PDCD10: variants seen among roughly 807,000 people sequenced by gnomAD.
PDCD10 encodes the protein programmed cell death protein 10.
PDCD10 carries 4 observed loss-of-function variants against 29.2 expected under a neutral mutation model. The observed-to-expected ratio is 0.14, with a 90% CI of 0.07 to 0.31. The LOEUF is 0.31. PDCD10 is among the 10% of genes least tolerant of loss of function. The pLI is 1.00. For synonymous variants in PDCD10, 70 were observed against 82.2 expected (o/e 0.85, Z 0.80); for missense variants, 183 against 257.9 (o/e 0.71, Z 1.99).
At chr3:167,695,520 A>C in intron 6 of PDCD10, 76 bp downstream of exon 6, 1 of 1,366,568 alleles carries the variant, frequency 7.3e-7, no homozygotes, top group African/African-American at 1.4e-5. Flanking sequence ...AGTCATACCA[A>C]AATTAAAAAA....
At chr3:167,726,504 A>G (rs1724196084) in intron 2 of PDCD10, among the ~76,000 whole-genome samples, 1 of 152,164 alleles carries the variant, frequency 6.6e-6, no homozygotes, top group Non-Finnish European at 1.5e-5. Flanking sequence ...GTTTGGAAGG[A>G]AAAAAACCTC....
intron 3 of PDCD10, among the ~76,000 whole-genome samples, chr3:167,712,296 G>C (rs1193993823): frequency 2.0e-5 from 3 of 151,938 alleles, no homozygotes; most frequent in Non-Finnish European, 4.4e-5. Context: ...TTTTCTTTTT[G>C]CTTGTTTATT....
At chr3:167,733,334 A>G (rs1375699798) in intron 2 of PDCD10, among the ~76,000 whole-genome samples, 2 of 152,238 alleles carry the variant, frequency 1.3e-5, no homozygotes, top group African/African-American at 4.8e-5. Context: ...ATCCAATAAT[A>G]ATAGTCATGA....
chr3:167,725,462 T>A (rs1168571507), intron 2 of PDCD10: 1 of 151,700 alleles, frequency 6.6e-6, no homozygotes, highest in East Asian at 1.9e-4. Context: ...GACCAAGATT[T>A]AGAGGAGAAA....
At chr3:167,686,676 A>G (rs1031853256) in intron 8 of PDCD10, among the ~76,000 whole-genome samples, 1 of 152,210 alleles carries the variant, frequency 6.6e-6, no homozygotes, top group Non-Finnish European at 1.5e-5. Flanking sequence ...AAATTCTAGA[A>G]GTGGGACCCT....
In PDCD10 at chr3:167,685,445, G is replaced by C. The variant is rs1346376655; in HGVS notation, c.558-1056C>G. ...AGAGAAGGGCCAGGAAGAAATAGCT[G>C]AATCAATGCAAATCCATCCCCCTAC... On this transcript the variant is annotated intron_variant, in intron 8 of 8. Transcript: ENST00000392750. Among the ~76,000 whole-genome samples, 6 of 144,196 alleles carry C rather than the reference G, an allele frequency of 4.2e-5. No individual in the cohort carries two copies. In the South Asian group the frequency reaches 1.1e-3, roughly 27 times the overall value. The allele number at this position is 144,196 out of a possible 152,430, so 94.6% of individuals were successfully genotyped here.
chr3:167,685,629 G>C (rs1023597930), intron 8 of PDCD10, among the ~76,000 whole-genome samples: 1 of 152,116 alleles, frequency 6.6e-6, no homozygotes, highest in African/African-American at 2.4e-5. Context: ...CATATGCAGA[G>C]TAAATAATTT....
chr3:167,700,843 G>GA (rs369127617), intron 4 of PDCD10, among the ~76,000 whole-genome samples: 121 of 152,224 alleles, frequency 7.9e-4, no homozygotes, highest in Middle Eastern at 3.4e-3. Context: ...ACACCATTAA[G>GA]AAAATCTTTG....
At chr3:167,714,279 C>T (rs1183154603) in intron 3 of PDCD10, among the ~76,000 whole-genome samples, 1 of 152,068 alleles carries the variant, frequency 6.6e-6, no homozygotes, top group African/African-American at 2.4e-5. Flanking sequence ...GAATGAAGGA[C>T]AAACATCATA....
At chr3:167,729,912 C>T (rs1724621943) in intron 2 of PDCD10, among the ~76,000 whole-genome samples, 1 of 152,074 alleles carries the variant, frequency 6.6e-6, no homozygotes, top group Admixed American at 6.6e-5. Flanking sequence ...TTTTCTTTTT[C>T]TTTTAACCCT....
intron 6 of PDCD10, chr3:167,694,286 T>C: frequency 5.4e-6 from 1 of 184,474 alleles, no homozygotes. Context: ...GATAAAAATA[T>C]TCTCCTGGAT....
chr3:167,733,619 T>C (rs942515120), intron 2 of PDCD10, among the ~76,000 whole-genome samples: 4 of 152,214 alleles, frequency 2.6e-5, no homozygotes, highest in Non-Finnish European at 4.4e-5. Flanking sequence ...GCAAAATACC[T>C]TCTTTTCTAG....
intron 6 of PDCD10, among the ~76,000 whole-genome samples, chr3:167,690,625 C>T (rs933686628): frequency 8.5e-5 from 13 of 152,270 alleles, no homozygotes; most frequent in African/African-American, 3.1e-4. Flanking sequence ...TGTACTCAGG[C>T]ACACACATTC....
At chr3:167,734,636 C>CACTCGCGTAGGGTAACCTCGCTT (rs1216900253) in intron 1 of PDCD10, 26 bp downstream of exon 1, 2 of 152,702 alleles carry the variant, frequency 1.3e-5, no homozygotes, top group African/African-American at 4.8e-5. Context: ...CGCTTTACGC[C>CACTCGCGTAGGGTAACCTCGCTT]ACTCGCGTAG....
chr3:167,723,729 A>G (rs1336640122), intron 2 of PDCD10, among the ~76,000 whole-genome samples: 1 of 152,204 alleles, frequency 6.6e-6, no homozygotes, highest in East Asian at 1.9e-4. Flanking sequence ...TACTGTTGGC[A>G]TCCACAAAAT....
intron 6 of PDCD10, among the ~76,000 whole-genome samples, chr3:167,690,098 C>T (rs569028406): frequency 7.9e-5 from 12 of 152,194 alleles, no homozygotes; most frequent in South Asian, 4.1e-4. Flanking sequence ...CTAATGAATG[C>T]GGCTTGGTGC....
At chr3:167,713,430 A>G (rs1465112661) in intron 3 of PDCD10, among the ~76,000 whole-genome samples, 2 of 152,042 alleles carry the variant, frequency 1.3e-5, no homozygotes, top group East Asian at 3.8e-4. Flanking sequence ...ATACAGTGAA[A>G]GCAGTACTAA....
intron 2 of PDCD10, among the ~76,000 whole-genome samples, chr3:167,727,743 T>A (rs778710015): frequency 2.6e-5 from 4 of 152,182 alleles, no homozygotes; most frequent in Non-Finnish European, 5.9e-5. Context: ...TTGCTTTGTA[T>A]CACTTATAAT....
chr3:167,731,618 A>G (rs556037804), intron 2 of PDCD10, among the ~76,000 whole-genome samples: 1 of 152,358 alleles, frequency 6.6e-6, no homozygotes, highest in African/African-American at 2.4e-5. Flanking sequence ...TTCAGCAAAT[A>G]TTTACTGAAC....
Sources: gnomAD v4.1 joint callset for allele counts (sites outside exome capture counted in the v4.1 genomes callset) on GRCh38, gnomAD v4.1.1 for gene constraint, MANE v1.5 for transcripts, NCBI Gene and HGNC (gene_info 2026-07-23, HGNC 2026-07-21) for gene names.